The following NHSL3 variants were observed in gnomAD, a reference collection of about 807,000 sequenced individuals.
The protein encoded by NHSL3 is NHS like 3.
the NHSL3 span, chr1:32,767,668 C>A: frequency 1.2e-6 from 1 of 811,804 alleles, no homozygotes; most frequent in South Asian, 1.7e-5. Flanking sequence ...GGGGGCATTG[C>A]TTGTATATGC....
the NHSL3 span, chr1:32,772,188 C>A: frequency 6.2e-7 from 1 of 1,613,322 alleles, no homozygotes; most frequent in Admixed American, 1.7e-5. Context: ...TGGCAGAACT[C>A]CGGAGCATCT....
At chr1:32,761,879 T>C in the NHSL3 span, among the ~76,000 whole-genome samples, 1 of 151,960 alleles carries the variant, frequency 6.6e-6, no homozygotes. Context: ...AAACCTCCAA[T>C]TTGTAGGGAT....
the NHSL3 span, among the ~76,000 whole-genome samples, chr1:32,749,849 G>A: frequency 6.6e-6 from 1 of 152,074 alleles, no homozygotes; most frequent in South Asian, 2.1e-4. Context: ...TGCAGTCCCT[G>A]AAGCAGGGCT....
At chr1:32,764,516 G>A in the NHSL3 span, among the ~76,000 whole-genome samples, 10 of 149,722 alleles carry the variant, frequency 6.7e-5, no homozygotes, top group Non-Finnish European at 1.5e-4. Context: ...CATCCAGGCT[G>A]GAGTGCAGTG....
At chr1:32,741,846 C>G in the NHSL3 span, 1 of 151,614 alleles carries the variant, frequency 6.6e-6, no homozygotes, top group Non-Finnish European at 1.4e-5. This position sits in a 1 kb window ranked among gnomAD's most constrained non-coding sequence, Gnocchi z 4.3. Flanking sequence ...GCCCGCTCGG[C>G]CTCCGCCGCC....
the NHSL3 span, chr1:32,770,446 G>A: frequency 1.1e-5 from 18 of 1,606,650 alleles, no homozygotes; most frequent in East Asian, 8.9e-5. The surrounding 1 kb of genome is among the most constrained non-coding windows in gnomAD (Gnocchi z 8.3). Flanking sequence ...TCAATCCTCC[G>A]ACACCATTGT....
the NHSL3 span, chr1:32,771,465 G>A: frequency 6.3e-7 from 1 of 1,586,172 alleles, no homozygotes; most frequent in East Asian, 2.3e-5. Flanking sequence ...CTGCTGAGGA[G>A]CCCCTCCAAG....
chr1:32,742,218 C>T, the NHSL3 span: 3 of 1,237,898 alleles, frequency 2.4e-6, no homozygotes, highest in Non-Finnish European at 3.0e-6. Context: ...GGGCTGAGCG[C>T]GGGGGGGCGT....
At chr1:32,748,473 G>A in the NHSL3 span, among the ~76,000 whole-genome samples, 1 of 152,134 alleles carries the variant, frequency 6.6e-6, no homozygotes, top group African/African-American at 2.4e-5. Context: ...ACTCCCATGT[G>A]TTTTCCCCTT....
chr1:32,742,270 G>A, the NHSL3 span: 1 of 1,209,328 alleles, frequency 8.3e-7, no homozygotes, highest in Non-Finnish European at 1.0e-6. Flanking sequence ...GTCCGCGCGC[G>A]GCGTGTTGGA....
chr1:32,750,730 A>G, the NHSL3 span, among the ~76,000 whole-genome samples: 2 of 151,844 alleles, frequency 1.3e-5, no homozygotes, highest in Non-Finnish European at 2.9e-5. Context: ...CTGGTCTTAA[A>G]CTGCTGACCT....
At chr1:32,758,060 G>A in the NHSL3 span, among the ~76,000 whole-genome samples, 3 of 152,162 alleles carry the variant, frequency 2.0e-5, no homozygotes, top group African/African-American at 2.4e-5. Flanking sequence ...CAGATCAAAT[G>A]CCCTTGTAAG....
chr1:32,748,133 G>T, the NHSL3 span, among the ~76,000 whole-genome samples: 1 of 151,904 alleles, frequency 6.6e-6, no homozygotes, highest in African/African-American at 2.4e-5. Flanking sequence ...ACAAAAATTA[G>T]CCAGGCGTAG....
At chr1:32,769,851 T>C in the NHSL3 span, 1 of 1,611,656 alleles carries the variant, frequency 6.2e-7, no homozygotes, top group Non-Finnish European at 8.5e-7. Flanking sequence ...CCCTCTCTGC[T>C]GACCCCACCT....
chr1:32,772,189 C>T, the NHSL3 span: 31 of 1,613,288 alleles, frequency 1.9e-5, no homozygotes, highest in Admixed American at 1.5e-4. Flanking sequence ...GGCAGAACTC[C>T]GGAGCATCTC....
chr1:32,766,460 T>C, the NHSL3 span, among the ~76,000 whole-genome samples: 1 of 152,046 alleles, frequency 6.6e-6, no homozygotes, highest in African/African-American at 2.4e-5. Context: ...CTGGGTGACC[T>C]TAGGCAAGGC....
the NHSL3 span, chr1:32,770,615 G>A: frequency 2.5e-5 from 38 of 1,515,572 alleles, no homozygotes; most frequent in East Asian, 9.1e-5. This position sits in a 1 kb window ranked among gnomAD's most constrained non-coding sequence, Gnocchi z 8.3. Context: ...CTCAGCATTC[G>A]GAGCAGTGGG....
the NHSL3 span, chr1:32,754,230 C>A: frequency 2.8e-6 from 2 of 703,030 alleles, no homozygotes; most frequent in Non-Finnish European, 5.3e-6. Flanking sequence ...GTCCCTACTG[C>A]GGTCGTCGCC....
chr1:32,743,600 G>C, the NHSL3 span, among the ~76,000 whole-genome samples: 299 of 152,348 alleles, frequency 2.0e-3, 1 homozygote, highest in African/African-American at 7.0e-3. Context: ...AGGATGTATT[G>C]TGGTCAGACT....
Sources: allele counts gnomAD v4.1 joint callset (sites outside exome capture counted in the v4.1 genomes callset), GRCh38; gene constraint gnomAD v4.1.1; non-coding constraint Gnocchi (gnomAD v3.1); transcripts MANE v1.5; gene names NCBI Gene and HGNC (gene_info 2026-07-23, HGNC 2026-07-21).